The following MAN1C1 variants were observed in gnomAD, a reference collection of about 807,000 sequenced individuals.
MAN1C1 encodes the protein mannosidase alpha class 1C member 1, also known as mannosyl-oligosaccharide 1,2-alpha-mannosidase IC.
MAN1C1 carries 49 observed loss-of-function variants against 71.5 expected under a neutral mutation model. That is an observed-to-expected ratio of 0.69 (90% CI 0.54 to 0.87). MAN1C1 has a LOEUF of 0.87. Among genes scored for constraint, MAN1C1 ranks in the 40% least tolerant of loss-of-function variants. MAN1C1 has a pLI of 0.00. For synonymous variants in MAN1C1, 352 were observed against 343.7 expected, an observed-to-expected ratio of 1.02 and a Z score of -0.27; for missense variants, 743 against 835.0, an observed-to-expected ratio of 0.89 and a Z score of 1.36.
chr1:25,784,045 A>G lies in MAN1C1; in HGVS notation c.*256A>G. ...TTTCTATGAAGCCCACTCACTTGCC[A>G]TTCCAGGGCCAAAGGACCGGAGGTT... is the stretch of plus-strand genomic sequence containing the variant. On this transcript the variant is annotated 3_prime_UTR_variant, in exon 12 of 12. Coordinates refer to ENST00000374332, the MANE Select transcript of MAN1C1 (RefSeq NM_020379.4). 1 of 412,576 alleles carries G rather than the reference A, an allele frequency of 2.4e-6. No homozygotes were observed. The highest frequency in any genetic ancestry group is 4.3e-6 in the Non-Finnish European group (1 of 231,298). 25.6% of individuals were successfully genotyped at this position (412,576 alleles called of 1,614,324 possible). A position where few individuals can be genotyped will look rare whatever the true frequency, so the allele number is the denominator to read the frequency against.
intron 2 of MAN1C1, among the ~76,000 whole-genome samples, chr1:25,719,095 G>A (rs1433945510): frequency 4.1e-5 from 6 of 147,300 alleles, no homozygotes; most frequent in South Asian, 4.2e-4. Flanking sequence ...TTATTGAGAC[G>A]GAGTTTTGCT....
At position 25,618,097 on chromosome 1, in the gene MAN1C1, C is replaced by T. The variant is rs1379618088; in HGVS notation, c.300C>T (p.Ala100=). 2 of 1,511,558 alleles carry T rather than the reference C, an allele frequency of 1.3e-6. No homozygotes were observed. Among genetic ancestry groups the T allele is most frequent in the East Asian group, 5.2e-5 (2 of 38,622 alleles). The allele number at this position is 1,511,558 out of a possible 1,614,324, so 93.6% of individuals were successfully genotyped here. The change falls in exon 1 of 12, where the codon GCC becomes GCT. Residue 100 remains alanine (A), a synonymous_variant. Transcript: ENST00000374332. ...APGEDDPSSW[A]SPRRRKGGLR... is the part of the protein sequence containing the mutation. Reference sequence around the variant, plus strand: ...GCGAGGATGACCCCAGCAGCTGGGCCAGTCCCCGCCGCAGGAAAGGGGGGC... The same window carrying T: ...GCGAGGATGACCCCAGCAGCTGGGCTAGTCCCCGCCGCAGGAAAGGGGGGC...
intron 1 of MAN1C1, among the ~76,000 whole-genome samples, chr1:25,674,192 C>T (rs2046032637): frequency 6.6e-6 from 1 of 152,184 alleles, no homozygotes; most frequent in African/African-American, 2.4e-5. Context: ...CTGTTGTGGC[C>T]TCACAATTGG....
intron 2 of MAN1C1, among the ~76,000 whole-genome samples, chr1:25,718,585 G>A (rs774100980): frequency 2.0e-5 from 3 of 152,110 alleles, no homozygotes; most frequent in South Asian, 2.1e-4. Flanking sequence ...CATCACAGTC[G>A]CTTCCCATTT....
intron 2 of MAN1C1, among the ~76,000 whole-genome samples, chr1:25,745,903 A>T (rs1162872023): frequency 6.6e-6 from 1 of 152,080 alleles, no homozygotes; most frequent in Non-Finnish European, 1.5e-5. Flanking sequence ...AGGCACGAGA[A>T]TCGCTTGAAC....
At chr1:25,658,849 G>A (rs1242368256) in intron 1 of MAN1C1, 1 of 152,748 alleles carries the variant, frequency 6.5e-6, no homozygotes, top group African/African-American at 2.4e-5. Flanking sequence ...GACGCCCCCA[G>A]CCCGTGCAGT....
At chr1:25,672,742 G>A (rs2046009390) in intron 1 of MAN1C1, among the ~76,000 whole-genome samples, 1 of 152,160 alleles carries the variant, frequency 6.6e-6, no homozygotes, top group African/African-American at 2.4e-5. Flanking sequence ...AGGCTCTGAG[G>A]ATTAGAACAT....
chr1:25,631,491 T>C lies in MAN1C1; in HGVS notation c.540+13154T>C, dbSNP rs1290641883. ...TCTTATTGAATGCTTTTTCTGCAACTATTGAGATGATCGTATGGTTTTTGT... is the reference window on the plus strand; with the variant it reads ...TCTTATTGAATGCTTTTTCTGCAACCATTGAGATGATCGTATGGTTTTTGT... On this transcript the variant is annotated intron_variant, in intron 1 of 11. Coordinates refer to ENST00000374332, the MANE Select transcript of MAN1C1 (RefSeq NM_020379.4). The surrounding 1 kb of genome is among the most constrained non-coding windows in gnomAD (Gnocchi z 4.2). Among the ~76,000 whole-genome samples, 2 of 152,226 alleles carry C rather than the reference T, an allele frequency of 1.3e-5. No homozygotes were observed. Among genetic ancestry groups the C allele is most frequent in the East Asian group, 3.8e-4 (2 of 5,200 alleles).
At position 25,758,632 on chromosome 1, in the gene MAN1C1, T is replaced by G. The variant is rs2047320851; in HGVS notation, c.970T>G (p.Leu324Val). The change falls in exon 6 of 12, where the codon TTG (leucine) becomes GTG (valine). Residue 324 changes from leucine (L) to valine (V), a missense_variant. Transcript: ENST00000374332. ...GGCCACAGCCGGCAGCAGCAGCATCTTGGCGGAGTTTGGATCCCTGCACTT... is the reference window on the plus strand; with the variant it reads ...GGCCACAGCCGGCAGCAGCAGCATCGTGGCGGAGTTTGGATCCCTGCACTT... ...GWATAGSSSI[L>V]AEFGSLHLEF... The G allele has an allele frequency of 1.2e-6, 2 of 1,614,204 alleles. No individual in the cohort carries two copies. The highest frequency in any genetic ancestry group is 4.5e-5 in the East Asian group (2 of 44,892).
At chr1:25,623,189 T>C (rs3767918) in intron 1 of MAN1C1, among the ~76,000 whole-genome samples, 25,724 of 152,104 alleles carry the variant, frequency 0.17, 5,465 homozygotes, top group African/African-American at 0.49. Context: ...AGCCCAGCCA[T>C]ACGCCTCCTC....
chr1:25,648,741 A>G (rs928243832), intron 1 of MAN1C1, among the ~76,000 whole-genome samples: 8 of 152,366 alleles, frequency 5.3e-5, no homozygotes, highest in Non-Finnish European at 1.0e-4. Flanking sequence ...ACTTGAGGGC[A>G]TAATTCAATT....
Position 25,753,749 on chromosome 1 carries a change from G to A in MAN1C1, c.929+171G>A, listed in dbSNP as rs563536013. ...CCCGTTCTTTTATGATGTAGAAACT[G>A]AGGCACAGGGAGAGGACCATACCTA... On this transcript the variant is annotated intron_variant, in intron 5 of 11. Transcript: ENST00000374332. The surrounding 1 kb of genome is among the most constrained non-coding windows in gnomAD (Gnocchi z 4.9). 6.6e-6 allele frequency among the ~76,000 whole-genome samples: 1 copy of A among 152,294 alleles called. No homozygotes were observed. The highest frequency in any genetic ancestry group is 2.1e-4 in the South Asian group (1 of 4,822).
chr1:25,688,464 G>T (rs1349640963), intron 2 of MAN1C1, among the ~76,000 whole-genome samples: 1 of 152,224 alleles, frequency 6.6e-6, no homozygotes, highest in African/African-American at 2.4e-5. Context: ...AGGGGCTGAT[G>T]ATTCCTGAAA....
At position 25,634,617 on chromosome 1, in the gene MAN1C1, C is replaced by G. The variant is rs773467657; in HGVS notation, c.540+16280C>G. Among the ~76,000 whole-genome samples the G allele has an allele frequency of 3.4e-4, 52 of 152,186 alleles. No individual in the cohort carries two copies. Among genetic ancestry groups the G allele is most frequent in the Admixed American group, 6.5e-4 (10 of 15,300 alleles). ...GGAGGATTGCCTGAGCTCAGCAGTTCGAGACCAGCCTGGGCAACATGGTAA... is the reference window on the plus strand; with the variant it reads ...GGAGGATTGCCTGAGCTCAGCAGTTGGAGACCAGCCTGGGCAACATGGTAA... On this transcript the variant is annotated intron_variant, in intron 1 of 11. Transcript: ENST00000374332. The surrounding 1 kb of genome is among the most constrained non-coding windows in gnomAD (Gnocchi z 4.6).
At chr1:25,646,598 C>G (rs967208186) in intron 1 of MAN1C1, among the ~76,000 whole-genome samples, 5 of 152,216 alleles carry the variant, frequency 3.3e-5, no homozygotes, top group African/African-American at 1.2e-4. Context: ...GGCAGTCACT[C>G]CAGACCCACT....
Position 25,672,375 on chromosome 1 carries a change from G to T in MAN1C1, c.541-14065G>T, listed in dbSNP as rs530364048. ...CACCCTTGCAGACATACCCTTTCCA[G>T]TATCCTGAAAAGAATACTTTCCCAG... On this transcript the variant is annotated intron_variant, in intron 1 of 11. Transcript: ENST00000374332. Among the ~76,000 whole-genome samples, 6 of 152,256 alleles carry T rather than the reference G, an allele frequency of 3.9e-5. 1 individual carries two copies. The South Asian group carries it at 1.2e-3, about 32-fold the overall frequency.
At chr1:25,768,375 A>C (rs1271228643) in intron 7 of MAN1C1, among the ~76,000 whole-genome samples, 10 of 83,010 alleles carry the variant, frequency 1.2e-4, no homozygotes, top group East Asian at 3.8e-4. Context: ...CACTCCCCCC[A>C]CACACACTCC....
At chr1:25,670,617 T>G (rs933013131) in intron 1 of MAN1C1, among the ~76,000 whole-genome samples, 1 of 152,218 alleles carries the variant, frequency 6.6e-6, no homozygotes, top group Non-Finnish European at 1.5e-5. Context: ...CCACATGCTG[T>G]CCAGAGGTGC....
At chr1:25,681,865 G>A (rs960478670) in intron 1 of MAN1C1, among the ~76,000 whole-genome samples, 1 of 151,868 alleles carries the variant, frequency 6.6e-6, no homozygotes, top group Non-Finnish European at 1.5e-5. Flanking sequence ...TTAGTGATTT[G>A]CAAGCATTTA....
Sources: allele counts gnomAD v4.1 joint callset (sites outside exome capture counted in the v4.1 genomes callset), GRCh38; gene constraint gnomAD v4.1.1; non-coding constraint Gnocchi (gnomAD v3.1); transcripts MANE v1.5; gene names NCBI Gene and HGNC (gene_info 2026-07-23, HGNC 2026-07-21).